ADAMTS18: variants seen among roughly 807,000 people sequenced by gnomAD.
ADAMTS18 encodes the protein ADAM metallopeptidase with thrombospondin type 1 motif 18.
In ADAMTS18, 157 loss-of-function variants were observed where a neutral mutation model predicts 165.9. The observed-to-expected ratio is 0.95, with a 90% CI of 0.83 to 1.08. The LOEUF is 1.08. Among genes scored for constraint, ADAMTS18 ranks in the 50% least tolerant of loss-of-function variants. The probability of loss-of-function intolerance (pLI) is 0.00; values close to 1 mark genes in which losing one functional copy is unlikely to be tolerated. For missense variants in ADAMTS18, 2,040 were observed against 1,534.0 expected, an observed-to-expected ratio of 1.33 and a Z score of -5.51; for synonymous variants, 782 against 578.2, an observed-to-expected ratio of 1.35 and a Z score of -5.06.
At chr16:77,308,513 G>A (rs577254601) in intron 16 of ADAMTS18, among the ~76,000 whole-genome samples, 35 of 150,528 alleles carry the variant, frequency 2.3e-4, no homozygotes, top group African/African-American at 8.3e-4. Flanking sequence ...GAACTAGTAA[G>A]ATACCTCATC....
chr16:77,383,686 G>A (rs1456606828), intron 3 of ADAMTS18, among the ~76,000 whole-genome samples: 1 of 152,066 alleles, frequency 6.6e-6, no homozygotes, highest in African/African-American at 2.4e-5. Flanking sequence ...GGGATTACAG[G>A]CACCCACCAC....
chr16:77,320,151 C>T lies in ADAMTS18; in HGVS notation c.2288-58G>A, dbSNP rs933189206. Reference sequence around the variant, plus strand: ...CACCCCATGCATTGGAGAAAAGGGACTAGAAATGGCCCGACATGTAGTGTT... The same window carrying T: ...CACCCCATGCATTGGAGAAAAGGGATTAGAAATGGCCCGACATGTAGTGTT... On this transcript the variant is annotated intron_variant, in intron 15 of 22. Transcript: ENST00000282849. 7.2e-5 allele frequency: 115 copies of T among 1,605,344 alleles called. No individual in the cohort carries two copies. In the East Asian group the frequency reaches 1.3e-3, roughly 18 times the overall value.
intron 16 of ADAMTS18, among the ~76,000 whole-genome samples, chr16:77,316,090 C>T (rs1451582903): frequency 6.6e-6 from 1 of 152,142 alleles, no homozygotes; most frequent in Non-Finnish European, 1.5e-5. Context: ...TTCTAGCTTC[C>T]AGTTCTCTAC....
chr16:77,395,062 C>T (rs958016672), intron 3 of ADAMTS18, among the ~76,000 whole-genome samples: 3 of 152,188 alleles, frequency 2.0e-5, no homozygotes, highest in African/African-American at 7.2e-5. Context: ...AGCAGAGCTT[C>T]ACAACAACTT....
chr16:77,359,396 G>A lies in ADAMTS18; in HGVS notation c.1244C>T (p.Ser415Phe). The change falls in exon 8 of 23, where the codon TCT becomes TTT. Residue 415 changes from serine to phenylalanine, a missense_variant. Transcript: ENST00000282849. ...LGFAPISGMC[S>F]KYRSCTINED... ...ATTGATGGTACAACTTCGGTACTTA[G>A]AGCACATTCCACTGATGGGGGCAAA... The A allele has an allele frequency of 6.2e-7, 1 of 1,614,006 alleles. No homozygotes were observed. The highest frequency in any genetic ancestry group is 8.5e-7 in the Non-Finnish European group (1 of 1,180,004).
intron 22 of ADAMTS18, among the ~76,000 whole-genome samples, chr16:77,286,363 C>CG (rs1347702803): frequency 6.6e-6 from 1 of 152,070 alleles, no homozygotes; most frequent in Non-Finnish European, 1.5e-5. Context: ...ATTTGTTGTC[C>CG]GTTTCCATTT....
intron 11 of ADAMTS18, among the ~76,000 whole-genome samples, chr16:77,336,422 C>T (rs1040242701): frequency 5.9e-5 from 9 of 152,186 alleles, no homozygotes; most frequent in Non-Finnish European, 1.3e-4. Flanking sequence ...AAAATAGATA[C>T]AATTACACAT....
At chr16:77,385,894 G>C (rs561253577) in intron 3 of ADAMTS18, among the ~76,000 whole-genome samples, 123 of 152,206 alleles carry the variant, frequency 8.1e-4, no homozygotes, top group Non-Finnish European at 1.5e-3. Context: ...ATAGGATTAA[G>C]AGATGTTAGC....
At chr16:77,355,908 C>G in intron 9 of ADAMTS18, 32 bp downstream of exon 9, 1 of 1,613,648 alleles carries the variant, frequency 6.2e-7, no homozygotes, top group Non-Finnish European at 8.5e-7. Context: ...CACTCCAAAC[C>G]TAGGAGCACC....
In ADAMTS18 at chr16:77,426,193, A is replaced by G. The variant is rs142050311; in HGVS notation, c.495+5102T>C. On this transcript the variant is annotated intron_variant, in intron 3 of 22. Coordinates refer to ENST00000282849, the MANE Select transcript of ADAMTS18 (RefSeq NM_199355.4). Reference sequence around the variant, plus strand: ...TTTGTTTAGCTTCCTTTAAACCTCTAAATTTTCCCTAACTTGTATGACCAT... The same window carrying G: ...TTTGTTTAGCTTCCTTTAAACCTCTGAATTTTCCCTAACTTGTATGACCAT... Among the ~76,000 whole-genome samples, 108 of 152,316 alleles carry G rather than the reference A, an allele frequency of 7.1e-4. 1 individual carries two copies. Among genetic ancestry groups the G allele is most frequent in the African/African-American group, 2.5e-3 (102 of 41,578 alleles).
intron 8 of ADAMTS18, among the ~76,000 whole-genome samples, chr16:77,357,358 C>A (rs2056646848): frequency 1.3e-5 from 2 of 152,064 alleles, no homozygotes; most frequent in South Asian, 4.2e-4. Flanking sequence ...TCAGAGGTGA[C>A]CACTCAAAAA....
rs1216279671 is a variant in ADAMTS18 at position 77,340,607 on chromosome 16, G to A, written c.1710+1097C>T. Among the ~76,000 whole-genome samples the A allele has an allele frequency of 3.3e-5, 5 of 152,078 alleles. No homozygotes were observed. In the East Asian group the frequency reaches 9.6e-4, roughly 29 times the overall value. ...TAACTTTTTCTTTTTTAGAGACAGG[G>A]CCTAGCTCTGTGGCCCAGGATGGAG... On this transcript the variant is annotated intron_variant, in intron 11 of 22. Coordinates refer to ENST00000282849, the MANE Select transcript of ADAMTS18 (RefSeq NM_199355.4).
chr16:77,392,587 G>C (rs556933968), intron 3 of ADAMTS18, among the ~76,000 whole-genome samples: 2 of 151,966 alleles, frequency 1.3e-5, no homozygotes, highest in South Asian at 2.1e-4. Context: ...CAACAGATTC[G>C]ATAGATTCTA....
At chr16:77,311,505 T>C (rs958727189) in intron 16 of ADAMTS18, among the ~76,000 whole-genome samples, 2 of 152,178 alleles carry the variant, frequency 1.3e-5, no homozygotes, top group African/African-American at 4.8e-5. Context: ...GAAAATATAA[T>C]TTATTGCTTA....
intron 5 of ADAMTS18, 71 bp from the exon 6 acceptor site, chr16:77,363,956 T>A: frequency 1.4e-6 from 2 of 1,410,944 alleles, no homozygotes; most frequent in Admixed American, 3.4e-5. Flanking sequence ...ATCAGACATA[T>A]TGACTGAAGT....
chr16:77,311,215 G>C (rs922701800), intron 16 of ADAMTS18, among the ~76,000 whole-genome samples: 1 of 152,124 alleles, frequency 6.6e-6, no homozygotes, highest in Non-Finnish European at 1.5e-5. Context: ...AATAATTTTA[G>C]GTGGCCAAAA....
chr16:77,301,223 G>A (rs1001519331), intron 16 of ADAMTS18, among the ~76,000 whole-genome samples: 3 of 151,704 alleles, frequency 2.0e-5, no homozygotes, highest in African/African-American at 7.3e-5. Context: ...CATTCTTAAT[G>A]CATCATAAAA....
chr16:77,306,355 A>T (rs2055681446), intron 16 of ADAMTS18, among the ~76,000 whole-genome samples: 1 of 152,188 alleles, frequency 6.6e-6, no homozygotes, highest in Non-Finnish European at 1.5e-5. Context: ...AAAACCACAG[A>T]CAGGGGCTGG....
chr16:77,293,413 C>T (rs1221106409), intron 19 of ADAMTS18, among the ~76,000 whole-genome samples, 155 bp from the exon 20 acceptor site: 5 of 151,784 alleles, frequency 3.3e-5, no homozygotes, highest in Admixed American at 2.0e-4. Flanking sequence ...CACCCCCATT[C>T]CCATTACCCA....
Sources: allele counts gnomAD v4.1 joint callset (sites outside exome capture counted in the v4.1 genomes callset), GRCh38; gene constraint gnomAD v4.1.1; transcripts MANE v1.5; gene names NCBI Gene and HGNC (gene_info 2026-07-23, HGNC 2026-07-21).